Variants in PRELID2 observed in about 807,000 individuals in gnomAD.
The protein encoded by PRELID2 is PRELI domain containing 2.
PRELID2 carries 25 observed loss-of-function variants against 28.4 expected under a neutral mutation model. The ratio of observed to expected loss-of-function variants is 0.88; its 90% CI spans 0.64 to 1.23. The LOEUF is 1.23. Among genes scored for constraint, PRELID2 ranks in the 50% most tolerant of loss-of-function variants. The pLI, the probability that PRELID2 is intolerant of heterozygous loss-of-function variation, is 0.00. For missense variants in PRELID2, 201 were observed against 214.4 expected (o/e 0.94, Z 0.39); for synonymous variants, 76 against 71.6 (o/e 1.06, Z -0.31).
At chr5:145,360,115 G>T in the PRELID2 span, among the ~76,000 whole-genome samples, 1 of 152,152 alleles carries the variant, frequency 6.6e-6, no homozygotes, top group Non-Finnish European at 1.5e-5. Context: ...ACTCCTGTGG[G>T]TCCTCCTCCT....
downstream of PRELID2, among the ~76,000 whole-genome samples, chr5:145,467,635 G>A (rs1479819635): frequency 6.6e-6 from 1 of 152,032 alleles, no homozygotes; most frequent in Non-Finnish European, 1.5e-5. Context: ...AAGTTACCCT[G>A]CTGGTAGATA....
the PRELID2 span, among the ~76,000 whole-genome samples, chr5:145,348,023 A>T: frequency 6.6e-6 from 1 of 152,158 alleles, no homozygotes; most frequent in Non-Finnish European, 1.5e-5. Flanking sequence ...GCAGGCAGTA[A>T]CATCTTCTAA....
chr5:145,264,596 C>T, the PRELID2 span, among the ~76,000 whole-genome samples: 1 of 151,852 alleles, frequency 6.6e-6, no homozygotes. Flanking sequence ...ACAAGGATGC[C>T]CACCTTCACC....
At chr5:145,775,452 G>A (rs542111399) in intron 5 of PRELID2, among the ~76,000 whole-genome samples, 1 of 152,130 alleles carries the variant, frequency 6.6e-6, no homozygotes, top group South Asian at 2.1e-4. Context: ...ATTTAGAAGA[G>A]GCAGGGAACA....
the PRELID2 span, among the ~76,000 whole-genome samples, chr5:145,295,691 A>G: frequency 1.3e-5 from 2 of 152,218 alleles, no homozygotes; most frequent in African/African-American, 4.8e-5. Flanking sequence ...ATATGAAAAC[A>G]GATGTTCTAA....
At position 145,641,705 on chromosome 5, in the gene PRELID2, C is replaced by A. The variant is rs189445749; in HGVS notation, n.70+123226G>T. On this transcript the variant is annotated intron_variant and non_coding_transcript_variant, in intron 1 of 2. Transcript: ENST00000510259. The stretch of plus-strand genomic sequence containing the variant: ...GACAGGCCCTGGTGTGTGATGTTCC[C>A]CTCCCTGTGTTCCTGTGTTCTCATT... Among the ~76,000 whole-genome samples the A allele has an allele frequency of 2.4e-3, 358 of 152,332 alleles. 3 individuals carry two copies. The highest frequency in any genetic ancestry group is 8.2e-3 in the African/African-American group (341 of 41,566).
intron 1 of PRELID2, among the ~76,000 whole-genome samples, chr5:145,532,168 G>C (rs149881450): frequency 3.2e-4 from 49 of 152,176 alleles, no homozygotes; most frequent in Non-Finnish European, 5.4e-4. Context: ...GTTTTGAAGT[G>C]AGAAGGACAA....
At chr5:145,334,608 A>C in the PRELID2 span, among the ~76,000 whole-genome samples, 1 of 152,162 alleles carries the variant, frequency 6.6e-6, no homozygotes. Context: ...TTTTACACTA[A>C]TAATTAGCAT....
At chr5:145,532,119 T>C (rs1458684148) in intron 1 of PRELID2, among the ~76,000 whole-genome samples, 1 of 152,102 alleles carries the variant, frequency 6.6e-6, no homozygotes. Flanking sequence ...TCCTTCTCTG[T>C]CTTGCCTTAC....
At chr5:145,722,283 A>G (rs904437857) in intron 1 of PRELID2, among the ~76,000 whole-genome samples, 2 of 152,174 alleles carry the variant, frequency 1.3e-5, no homozygotes, top group African/African-American at 4.8e-5. Context: ...TTCAAAATTT[A>G]AAAACTCAAC....
chr5:145,614,111 C>T (rs1020968682), intron 1 of PRELID2, among the ~76,000 whole-genome samples: 2 of 152,070 alleles, frequency 1.3e-5, no homozygotes, highest in African/African-American at 2.4e-5. Context: ...TTTGCTTTGT[C>T]GAAGATCAGT....
chr5:145,829,607 C>A (rs1318823741), intron 1 of PRELID2, among the ~76,000 whole-genome samples: 1 of 152,174 alleles, frequency 6.6e-6, no homozygotes, highest in African/African-American at 2.4e-5. Flanking sequence ...GAAAAATGAA[C>A]TGACCTGTCC....
At chr5:145,428,953 G>T in the PRELID2 span, among the ~76,000 whole-genome samples, 2 of 152,152 alleles carry the variant, frequency 1.3e-5, no homozygotes, top group African/African-American at 4.8e-5. Flanking sequence ...AGTCCAAAGA[G>T]GAGTAGGGAA....
chr5:145,608,548 T>C (rs1695674107), intron 1 of PRELID2, among the ~76,000 whole-genome samples: 1 of 152,230 alleles, frequency 6.6e-6, no homozygotes, highest in African/African-American at 2.4e-5. Context: ...TTTCTTTTCC[T>C]TAAGAATGCT....
intron 1 of PRELID2, among the ~76,000 whole-genome samples, chr5:145,675,474 C>T (rs1010475250): frequency 6.6e-6 from 1 of 152,188 alleles, no homozygotes; most frequent in African/African-American, 2.4e-5. Flanking sequence ...CACTATCTAG[C>T]AAAACTAATA....
intron 1 of PRELID2, among the ~76,000 whole-genome samples, chr5:145,476,680 C>T (rs770047272): frequency 6.6e-6 from 1 of 152,060 alleles, no homozygotes; most frequent in Non-Finnish European, 1.5e-5. Flanking sequence ...ATTAATTGTT[C>T]CTTCTCAAAG....
chr5:145,391,070 C>T, the PRELID2 span, among the ~76,000 whole-genome samples: 2 of 152,206 alleles, frequency 1.3e-5, no homozygotes, highest in Admixed American at 6.5e-5. Flanking sequence ...GCCCCCCTCC[C>T]GCCTACTTTC....
At chr5:145,278,746 A>G in the PRELID2 span, among the ~76,000 whole-genome samples, 1 of 152,136 alleles carries the variant, frequency 6.6e-6, no homozygotes, top group Non-Finnish European at 1.5e-5. Context: ...AGGGTCATGG[A>G]GGTCACCTTA....
chr5:145,561,529 C>T (rs144024056), intron 1 of PRELID2, among the ~76,000 whole-genome samples: 1 of 152,278 alleles, frequency 6.6e-6, no homozygotes, highest in African/African-American at 2.4e-5. Flanking sequence ...TCAAAATTAA[C>T]AGTACTAGGT....
Sources: allele counts gnomAD v4.1 joint callset (sites outside exome capture counted in the v4.1 genomes callset), GRCh38; gene constraint gnomAD v4.1.1; transcripts MANE v1.5; gene names NCBI Gene and HGNC (gene_info 2026-07-23, HGNC 2026-07-21).